Variants in CCDC68 observed in about 807,000 individuals in gnomAD.
The protein encoded by CCDC68 is coiled-coil domain-containing protein 68.
CCDC68 carries 45 observed loss-of-function variants against 47.1 expected under a neutral mutation model. That is an observed-to-expected ratio of 0.96 (90% CI 0.75 to 1.23). CCDC68 has a LOEUF of 1.23. CCDC68 is among the 50% of genes most tolerant of loss of function. The pLI is 0.00. For synonymous variants in CCDC68, 131 were observed against 129.5 expected (o/e 1.01, Z -0.08); for missense variants, 353 against 373.6 (o/e 0.94, Z 0.45).
At chr18:54,957,084 A>G (rs1317448786) in intron 1 of CCDC68, among the ~76,000 whole-genome samples, 2 of 152,130 alleles carry the variant, frequency 1.3e-5, no homozygotes, top group South Asian at 4.1e-4. Context: ...TTTTTTGTTC[A>G]TTAATTTTTG....
intron 1 of CCDC68, among the ~76,000 whole-genome samples, chr18:54,952,879 G>A (rs191793402): frequency 4.4e-4 from 67 of 152,150 alleles, no homozygotes; most frequent in African/African-American, 1.3e-3. Context: ...CAGTTGTGGC[G>A]GTGCACGTGC....
chr18:54,936,395 A>G (rs1402222560), intron 6 of CCDC68, among the ~76,000 whole-genome samples: 1 of 151,632 alleles, frequency 6.6e-6, no homozygotes, highest in Non-Finnish European at 1.5e-5. Flanking sequence ...ATCTATCCTA[A>G]GACCAAAACA....
At chr18:54,941,210 A>G in intron 3 of CCDC68, 127 bp from the exon 4 acceptor site, 1 of 615,418 alleles carries the variant, frequency 1.6e-6, no homozygotes, top group South Asian at 2.1e-5. Context: ...TTGATCTCAG[A>G]TTTAAATAAC....
intron 8 of CCDC68, among the ~76,000 whole-genome samples, chr18:54,925,845 T>A (rs989601062): frequency 2.0e-5 from 3 of 152,148 alleles, no homozygotes; most frequent in African/African-American, 7.2e-5. Context: ...AGAGGTCAGA[T>A]CCTTACCATT....
intron 10 of CCDC68, among the ~76,000 whole-genome samples, chr18:54,912,324 G>A (rs1196032432): frequency 6.6e-6 from 1 of 152,156 alleles, no homozygotes; most frequent in Non-Finnish European, 1.5e-5. Flanking sequence ...AATTTCGGTA[G>A]AGTTAAGCAG....
chr18:54,927,791 C>T (rs2044170164), intron 8 of CCDC68, among the ~76,000 whole-genome samples: 1 of 152,032 alleles, frequency 6.6e-6, no homozygotes, highest in Non-Finnish European at 1.5e-5. Context: ...TGTGTAATTG[C>T]CAGGATCAGC....
chr18:54,930,803 C>G (rs1295928124), intron 7 of CCDC68, among the ~76,000 whole-genome samples: 1 of 150,794 alleles, frequency 6.6e-6, no homozygotes, highest in Admixed American at 6.6e-5. Context: ...ACTGCAACCT[C>G]CGCCTCCCAG....
intron 9 of CCDC68, among the ~76,000 whole-genome samples, chr18:54,918,627 CAT>C (rs1418778672): frequency 9.8e-5 from 15 of 152,322 alleles, no homozygotes; most frequent in African/African-American, 3.6e-4. Context: ...TTAGTGATGT[CAT>C]AGCCAAGCAA....
intron 8 of CCDC68, among the ~76,000 whole-genome samples, chr18:54,927,103 C>T (rs1411642140): frequency 6.6e-6 from 1 of 152,132 alleles, no homozygotes; most frequent in African/African-American, 2.4e-5. Flanking sequence ...TCTGTTATTT[C>T]AACCAAAAGA....
chr18:54,914,311 C>T (rs2043907598), intron 10 of CCDC68, among the ~76,000 whole-genome samples: 2 of 152,042 alleles, frequency 1.3e-5, no homozygotes, highest in Non-Finnish European at 2.9e-5. Flanking sequence ...TTTTTTTATA[C>T]AAGTGTTAGA....
intron 1 of CCDC68, among the ~76,000 whole-genome samples, chr18:54,949,643 T>C (rs1043539841): frequency 2.0e-5 from 3 of 152,228 alleles, no homozygotes; most frequent in East Asian, 3.8e-4. Context: ...TGGCAGGTTT[T>C]GGCTAGCTTG....
intron 4 of CCDC68, among the ~76,000 whole-genome samples, chr18:54,939,291 A>C (rs1263869253): frequency 6.6e-6 from 1 of 152,204 alleles, no homozygotes; most frequent in Non-Finnish European, 1.5e-5. Flanking sequence ...TGACAAAAAA[A>C]AAAACTCTTG....
At chr18:54,916,711 A>T (rs555792113) in intron 10 of CCDC68, among the ~76,000 whole-genome samples, 1 of 152,304 alleles carries the variant, frequency 6.6e-6, no homozygotes, top group East Asian at 1.9e-4. Flanking sequence ...AGGCAGGGGC[A>T]TCGCCAGCAG....
chr18:54,936,768 A>C, intron 6 of CCDC68, 65 bp downstream of exon 6: 1 of 1,595,600 alleles, frequency 6.3e-7, no homozygotes, highest in South Asian at 1.1e-5. Flanking sequence ...CTCTTCTAGA[A>C]AGATGAACTT....
At chr18:54,919,217 G>A (rs746082153) in intron 9 of CCDC68, 54 bp downstream of exon 9, 3 of 1,364,918 alleles carry the variant, frequency 2.2e-6, no homozygotes, top group Non-Finnish European at 3.1e-6. Context: ...TCGTATTTGG[G>A]CTCCACGCTG....
chr18:54,942,858 A>T (rs2145590742), intron 2 of CCDC68, 55 bp from the exon 3 acceptor site: 1 of 940,678 alleles, frequency 1.1e-6, no homozygotes, highest in East Asian at 2.4e-5. Context: ...TTGTATGATT[A>T]TATGGTTCAT....
At chr18:54,930,434 T>C (rs1311770252) in intron 7 of CCDC68, among the ~76,000 whole-genome samples, 1 of 152,228 alleles carries the variant, frequency 6.6e-6, no homozygotes, top group Non-Finnish European at 1.5e-5. Context: ...TATAATAATT[T>C]GAAGGCACTA....
chr18:54,947,460 G>C (rs148614103), intron 1 of CCDC68, among the ~76,000 whole-genome samples: 1 of 152,314 alleles, frequency 6.6e-6, no homozygotes, highest in Non-Finnish European at 1.5e-5. Flanking sequence ...AGCTGAAACA[G>C]TTTAGAGGCA....
chr18:54,911,859 G>C (rs1222267281), intron 10 of CCDC68, among the ~76,000 whole-genome samples: 2 of 152,168 alleles, frequency 1.3e-5, no homozygotes, highest in Non-Finnish European at 2.9e-5. Context: ...TATTATGTTA[G>C]ACTCTCTTCA....
Sources: allele counts gnomAD v4.1 joint callset (sites outside exome capture counted in the v4.1 genomes callset), GRCh38; gene constraint gnomAD v4.1.1; transcripts MANE v1.5; gene names NCBI Gene and HGNC (gene_info 2026-07-23, HGNC 2026-07-21).